The following MYO15A variants were observed in gnomAD, a reference collection of about 807,000 sequenced individuals.
MYO15A encodes unconventional myosin-XV.
Under a neutral mutation model 394.6 loss-of-function variants are expected in MYO15A, and 308 were observed. The observed-to-expected ratio is 0.78, with a 90% CI of 0.71 to 0.86. MYO15A has a LOEUF of 0.86. Among genes scored for constraint, MYO15A ranks in the 40% least tolerant of loss-of-function variants. The pLI is 0.00. For missense variants in MYO15A, 4,606 were observed against 4,799.1 expected (o/e 0.96, Z 1.19); for synonymous variants, 1,957 against 2,003.8 (o/e 0.98, Z 0.62).
At chr17:18,126,490 T>C (rs765209269) in intron 5 of MYO15A, 34 bp downstream of exon 5, 34 of 1,576,594 alleles carry the variant, frequency 2.2e-5, no homozygotes, top group Non-Finnish European at 1.2e-5. Context: ...CTGGGGTCTC[T>C]TGGGCCCCTC....
At chr17:18,157,665 C>T in intron 50 of MYO15A, 57 bp from the exon 51 acceptor site, 2 of 1,599,754 alleles carry the variant, frequency 1.3e-6, no homozygotes, top group Admixed American at 3.3e-5. Context: ...CTAAAGGACC[C>T]CCTTAGTCAC....
Position 18,151,998 on chromosome 17 carries a change from G to A in MYO15A, c.7893+47G>A, listed in dbSNP as rs1597804618. On this transcript the variant is annotated intron_variant, in intron 41 of 65. Coordinates refer to ENST00000647165, the MANE Select transcript of MYO15A (RefSeq NM_016239.4). The stretch of plus-strand genomic sequence containing the variant: ...GAGCCCAGGTGGAACAGAAGACAAA[G>A]AGGGGCCTCAGGGATCCTCAGAAAC... 7 of 1,545,064 alleles carry A rather than the reference G, an allele frequency of 4.5e-6. No individual in the cohort carries two copies. In the East Asian group the frequency reaches 7.3e-5, roughly 16 times the overall value.
Position 18,146,917 on chromosome 17 carries a change from C to A in MYO15A, c.6509+810C>A, listed in dbSNP as rs1484212343. 4.6e-5 allele frequency among the ~76,000 whole-genome samples: 7 copies of A among 152,200 alleles called. No homozygotes were observed. The East Asian group carries it at 7.7e-4, about 17-fold the overall frequency. ...CTTCAGCCTGGGCAACAGAGCAAGA[C>A]CCTGTCTGATGTTAAAAAAAAATGG... On this transcript the variant is annotated intron_variant, in intron 30 of 65. Transcript: ENST00000647165.
intron 62 of MYO15A, among the ~76,000 whole-genome samples, chr17:18,170,846 A>G (rs76291654): frequency 0.031 from 4,672 of 152,246 alleles, 349 homozygotes; most frequent in East Asian, 0.31. Flanking sequence ...ATTTACAGAT[A>G]AGGCCCAGAG....
intron 1 of MYO15A, chr17:18,109,315 A>C (rs2045693517): frequency 6.5e-6 from 1 of 153,354 alleles, no homozygotes; most frequent in Non-Finnish European, 1.5e-5. Context: ...GTGAGGGCTC[A>C]GGTGAGAGGC....
At chr17:18,166,599 G>A in intron 61 of MYO15A, 78 bp downstream of exon 61, 1 of 1,572,420 alleles carries the variant, frequency 6.4e-7, no homozygotes, top group Non-Finnish European at 8.7e-7. Flanking sequence ...CCACAGCCTT[G>A]GTGTTTGAAG....
chr17:18,161,581 A>G (rs2046778432), intron 57 of MYO15A, 134 bp downstream of exon 57: 3 of 1,336,568 alleles, frequency 2.2e-6, no homozygotes, highest in African/African-American at 1.4e-5. Flanking sequence ...ATATTAATAT[A>G]CTCCCCAAAC....
chr17:18,141,177 A>C (rs1266124972), intron 22 of MYO15A, 34 bp downstream of exon 22: 2 of 1,611,910 alleles, frequency 1.2e-6, no homozygotes, highest in African/African-American at 1.3e-5. Flanking sequence ...GAGCTCTACA[A>C]ATCCCTGCCC....
intron 1 of MYO15A, among the ~76,000 whole-genome samples, chr17:18,115,235 G>T (rs1217966237): frequency 6.6e-6 from 1 of 152,200 alleles, no homozygotes; most frequent in East Asian, 1.9e-4. Context: ...TGGTGCAGGA[G>T]GACCTCCATA....
chr17:18,138,828 C>G lies in MYO15A; in HGVS notation c.5025C>G (p.Phe1675Leu), dbSNP rs779968424. Residue 1675 changes from phenylalanine to leucine, a missense_variant, in exon 18 of 66, where the codon TTC (phenylalanine) becomes TTG (leucine). Coordinates refer to ENST00000647165, the MANE Select transcript of MYO15A (RefSeq NM_016239.4). ...CCFPQATDHT[F>L]LQKCHYHHGA... Reference sequence around the variant, plus strand: ...GCCCCCAGGCTACAGACCACACCTTCCTACAGAAGTGCCACTACCATCATG... The same window carrying G: ...GCCCCCAGGCTACAGACCACACCTTGCTACAGAAGTGCCACTACCATCATG... 1 of 1,613,950 alleles carries G rather than the reference C, an allele frequency of 6.2e-7. No individual in the cohort carries two copies.
rs1351087797 is a variant in MYO15A, at chr17:18,119,896, G to A, written c.1096G>A (p.Val366Ile). The change falls in exon 2 of 66, where the codon GTA becomes ATA. Residue 366 changes from valine to isoleucine, a missense_variant. Transcript: ENST00000647165. ...CCTCCCATACCACACTCCCTACGAT[G>A]TACCCTACTTTGATCCCTACGGAGT... is the stretch of plus-strand genomic sequence containing the variant. ...YDLPYHTPYD[V>I]PYFDPYGVHY... 2 of 1,613,296 alleles carry A rather than the reference G, an allele frequency of 1.2e-6. No individual in the cohort carries two copies. Among genetic ancestry groups the A allele is most frequent in the Middle Eastern group, 1.6e-4 (1 of 6,062 alleles).
In MYO15A at chr17:18,131,346, A is replaced by G. The variant is rs1383569757; in HGVS notation, c.4142+4A>G. ...TTGTGGAAATCTTTCTGGAAGGGTGAGTTGGGACAGTGGAGGGCCTCCCAA... is the reference window on the plus strand; with the variant it reads ...TTGTGGAAATCTTTCTGGAAGGGTGGGTTGGGACAGTGGAGGGCCTCCCAA... On this transcript the variant is annotated splice_donor_region_variant and intron_variant, in intron 9 of 65. Coordinates refer to ENST00000647165, the MANE Select transcript of MYO15A (RefSeq NM_016239.4). The G allele has an allele frequency of 6.2e-7, 1 of 1,614,010 alleles. No individual in the cohort carries two copies. Among genetic ancestry groups the G allele is most frequent in the Non-Finnish European group, 8.5e-7 (1 of 1,179,912 alleles).
intron 18 of MYO15A, 126 bp downstream of exon 18, chr17:18,139,062 G>C: frequency 7.1e-7 from 1 of 1,407,058 alleles, no homozygotes; most frequent in Admixed American, 2.0e-5. Flanking sequence ...CTGTGCCCCA[G>C]CTCTGTGACC....
At position 18,148,532 on chromosome 17, in the gene MYO15A, C is replaced by A. The variant is rs753611930; in HGVS notation, c.6728C>A (p.Thr2243Lys). ...QFSCPVHSWSTGEEVAGDILR... is the reference protein window; with the variant it reads ...QFSCPVHSWSKGEEVAGDILR... Reference sequence around the variant, plus strand: ...TCCTGCCCGGTGCACTCCTGGAGTACGGGGGAAGAGGTGGCTGGAGACATT... The same window carrying A: ...TCCTGCCCGGTGCACTCCTGGAGTAAGGGGGAAGAGGTGGCTGGAGACATT... The change falls in exon 32 of 66, where the codon ACG becomes AAG. Residue 2243 changes from threonine to lysine, a missense_variant. By Grantham distance (78) the Thr-to-Lys change is moderately conservative (BLOSUM62 -1). Transcript: ENST00000647165. The surrounding 1 kb of genome is among the most constrained non-coding windows in gnomAD (Gnocchi z 4.8). The A allele has an allele frequency of 6.4e-7, 1 of 1,552,790 alleles. No homozygotes were observed. Among genetic ancestry groups the A allele is most frequent in the Admixed American group, 1.9e-5 (1 of 51,306 alleles).
At position 18,119,431 on chromosome 17, in the gene MYO15A, G is replaced by A. The variant is rs370573443; in HGVS notation, c.631G>A (p.Glu211Lys). The change falls in exon 2 of 66, where the codon GAG becomes AAG. Residue 211 changes from glutamate (E) to lysine (K), a missense_variant. By Grantham distance (56) the Glu-to-Lys change is moderately conservative (BLOSUM62 1). Coordinates refer to ENST00000647165, the MANE Select transcript of MYO15A (RefSeq NM_016239.4). ...EPLGFLPFED[E>K]APFHHSGSRK... ...CCTGGGCTTCCTGCCCTTCGAGGAC[G>A]AGGCCCCATTCCATCACTCGGGCTC... The A allele has an allele frequency of 8.3e-5, 134 of 1,612,254 alleles. No homozygotes were observed. The highest frequency in any genetic ancestry group is 1.1e-4 in the Non-Finnish European group (127 of 1,179,956).
intron 12 of MYO15A, among the ~76,000 whole-genome samples, chr17:18,135,009 A>G (rs2046237321): frequency 6.6e-6 from 1 of 151,878 alleles, no homozygotes. Context: ...GCTCCTGAGT[A>G]GCTGGGACTA....
chr17:18,179,017 C>A lies in MYO15A; in HGVS notation c.*147C>A. 1.3e-6 allele frequency: 1 copy of A among 783,392 alleles called. No homozygotes were observed. Among genetic ancestry groups the A allele is most frequent in the Non-Finnish European group, 2.1e-6 (1 of 466,630 alleles). 48.5% of individuals were successfully genotyped at this position (783,392 alleles called of 1,614,324 possible). A position where few individuals can be genotyped will look rare whatever the true frequency, so the allele number is the denominator to read the frequency against. ...AGGAGGCAGGAGGAGCAACTCAAAT[C>A]CCCAAGAACACAAGAAGACCCATCC... On this transcript the variant is annotated 3_prime_UTR_variant, in exon 66 of 66. Transcript: ENST00000647165.
In MYO15A at chr17:18,167,711, A is replaced by G. The variant is rs1319112608; in HGVS notation, c.10070A>G (p.Tyr3357Cys). Residue 3357 changes from tyrosine to cysteine, a missense_variant, in exon 62 of 66, where the codon TAC becomes TGC. By Grantham distance (194) the Tyr-to-Cys change is radical. Around this residue, in one of 2 missense-constraint regions of MYO15A, gnomAD observed 2,776 missense variants for 3,109.3 expected, o/e 0.89. Coordinates refer to ENST00000647165, the MANE Select transcript of MYO15A (RefSeq NM_016239.4). ...CAGCATCGCGCCAAGGACCACTTCT[A>G]CCTGCCGAGCGTGTGAGCATCTGCC... ...SLQHRAKDHF[Y>C]LPSVREVQEY... The G allele has an allele frequency of 1.2e-6, 2 of 1,603,152 alleles. No homozygotes were observed. The highest frequency in any genetic ancestry group is 3.3e-5 in the Admixed American group (2 of 60,028).
intron 65 of MYO15A, among the ~76,000 whole-genome samples, chr17:18,175,975 T>A (rs186854899): frequency 6.8e-4 from 104 of 152,318 alleles, no homozygotes; most frequent in African/African-American, 2.4e-3. Context: ...CCACCTGGAA[T>A]GCTCTTCCTT....
Sources: gnomAD v4.1 joint callset for allele counts (sites outside exome capture counted in the v4.1 genomes callset) on GRCh38, gnomAD v4.1.1 for gene constraint, gnomAD v4.1.1 regional missense constraint, Gnocchi (gnomAD v3.1) non-coding constraint, MANE v1.5 for transcripts, NCBI Gene and HGNC (gene_info 2026-07-23, HGNC 2026-07-21) for gene names.